TBC1D12: variants seen among roughly 807,000 people sequenced by gnomAD.
TBC1D12 encodes TBC1 domain family, member 12.
In TBC1D12, 56 loss-of-function variants were observed where a neutral mutation model predicts 86.7. That is an observed-to-expected ratio of 0.65 (90% confidence interval 0.52 to 0.81). The LOEUF (loss-of-function observed/expected upper bound fraction) is 0.81. Among genes scored for constraint, TBC1D12 ranks in the 30% least tolerant of loss-of-function variants. TBC1D12 has a pLI of 0.00. For synonymous variants in TBC1D12, 421 were observed against 411.7 expected, an observed-to-expected ratio of 1.02 and a Z score of -0.27; for missense variants, 1,023 against 1,038.8, an observed-to-expected ratio of 0.98 and a Z score of 0.21.
intron 1 of TBC1D12, among the ~76,000 whole-genome samples, chr10:94,422,959 G>A (rs2055095261): frequency 3.3e-5 from 5 of 152,148 alleles, no homozygotes. Flanking sequence ...ACTAGGCTGG[G>A]CACTGTGGCT....
chr10:94,403,717 C>G (rs2054809813), intron 1 of TBC1D12, 133 bp downstream of exon 1: 9 of 1,105,804 alleles, frequency 8.1e-6, no homozygotes, highest in Admixed American at 7.7e-5. Flanking sequence ...CAGCCCCACA[C>G]GCGTCAGGAC....
intron 2 of TBC1D12, among the ~76,000 whole-genome samples, chr10:94,458,802 C>T (rs1257475648): frequency 6.6e-6 from 1 of 152,098 alleles, no homozygotes; most frequent in Non-Finnish European, 1.5e-5. Context: ...TCGTACCTTC[C>T]ATCTGGAGTT....
intron 3 of TBC1D12, among the ~76,000 whole-genome samples, chr10:94,488,890 C>A (rs2056207786): frequency 1.3e-5 from 2 of 152,034 alleles, no homozygotes; most frequent in Non-Finnish European, 2.9e-5. Context: ...ACAAAGTCCT[C>A]TTTACCCTTC....
rs2056509673 is a variant in TBC1D12, at chr10:94,510,191, T to C, written c.1689+12T>C. 2 of 1,549,440 alleles carry C rather than the reference T, an allele frequency of 1.3e-6. No individual in the cohort carries two copies. The highest frequency in any genetic ancestry group is 2.8e-5 in the African/African-American group (2 of 71,542). ...ACATCTTTCAGAAGGTGAGGGTTTC[T>C]AACCAGCTTGTAATTACTTAAAAAA... is the stretch of plus-strand genomic sequence containing the variant. On this transcript the variant is annotated intron_variant, in intron 8 of 12. Transcript: ENST00000225235.
At chr10:94,480,099 C>A (rs1171409477) in intron 3 of TBC1D12, among the ~76,000 whole-genome samples, 1 of 152,168 alleles carries the variant, frequency 6.6e-6, no homozygotes, top group Non-Finnish European at 1.5e-5. Flanking sequence ...CATTTTGGGT[C>A]TCTTGCAATT....
chr10:94,454,252 G>A (rs958984998), intron 2 of TBC1D12, among the ~76,000 whole-genome samples: 3 of 152,068 alleles, frequency 2.0e-5, no homozygotes, highest in Middle Eastern at 3.2e-3. Context: ...ACAGAGTTTT[G>A]CTCTTGTTGC....
At chr10:94,518,665 G>A (rs1389940118) in intron 9 of TBC1D12, among the ~76,000 whole-genome samples, 1 of 152,118 alleles carries the variant, frequency 6.6e-6, no homozygotes, top group Non-Finnish European at 1.5e-5. Context: ...AAAATATTTA[G>A]AAGAATTGGA....
At chr10:94,426,426 T>G (rs1399027149) in intron 1 of TBC1D12, among the ~76,000 whole-genome samples, 1 of 152,202 alleles carries the variant, frequency 6.6e-6, no homozygotes, top group African/African-American at 2.4e-5. Flanking sequence ...CTGTGTCCAT[T>G]GATGTAATTG....
chr10:94,405,009 T>C (rs2134041462), intron 1 of TBC1D12, among the ~76,000 whole-genome samples: 1 of 150,674 alleles, frequency 6.6e-6, no homozygotes, highest in East Asian at 1.9e-4. Context: ...ATCGAGCCAT[T>C]GCACTGAAAC....
At chr10:94,493,565 G>A (rs1434329374) in intron 4 of TBC1D12, 118 bp downstream of exon 4, 6 of 840,450 alleles carry the variant, frequency 7.1e-6, no homozygotes, top group East Asian at 5.3e-5. Context: ...TTCTTTTTTC[G>A]TTTCTTTTTT....
intron 2 of TBC1D12, among the ~76,000 whole-genome samples, chr10:94,470,691 T>C (rs1191456690): frequency 1.2e-5 from 1 of 84,868 alleles, no homozygotes; most frequent in Admixed American, 1.0e-4. Context: ...TTTGTAATTC[T>C]TTTTTTTTTT....
Position 94,506,040 on chromosome 10 carries a change from A to AT in TBC1D12, c.1520-1227_1520-1226insT, listed in dbSNP as rs2056456091. 8.9e-5 allele frequency among the ~76,000 whole-genome samples: 8 copies of AT among 89,882 alleles called. No individual in the cohort carries two copies. In the South Asian group the frequency reaches 2.3e-3, roughly 26 times the overall value. 59.0% of individuals were successfully genotyped at this position (89,882 alleles called of 152,430 possible). A position where few individuals can be genotyped will look rare whatever the true frequency, so the allele number is the denominator to read the frequency against. Reference sequence around the variant, plus strand: ...CTCTACACTATTTTGTACTTTTTGAAATTTTTTTTTTTTTTAAACGGAGTC... The same window carrying AT: ...CTCTACACTATTTTGTACTTTTTGAATATTTTTTTTTTTTTTAAACGGAGTC... On this transcript the variant is annotated intron_variant, in intron 6 of 12. Transcript: ENST00000225235.
intron 9 of TBC1D12, among the ~76,000 whole-genome samples, chr10:94,521,228 AAAAAAAAAAC>A (rs1192467647): frequency 2.1e-5 from 3 of 145,000 alleles, no homozygotes; most frequent in African/African-American, 7.9e-5. Context: ...AACCAAAAAA[AAAAAAAAAAC>A]AAAAAAAAAA....
chr10:94,531,556 A>G (rs1842418517), intron 12 of TBC1D12, 96 bp downstream of exon 12: 1 of 1,284,868 alleles, frequency 7.8e-7, no homozygotes, highest in Non-Finnish European at 1.0e-6. Flanking sequence ...ACTTAAAAAT[A>G]TGTCTTTTAA....
At chr10:94,487,402 C>G (rs2056181212) in intron 3 of TBC1D12, among the ~76,000 whole-genome samples, 1 of 151,412 alleles carries the variant, frequency 6.6e-6, no homozygotes, top group African/African-American at 2.4e-5. Context: ...TCGTTCCTTC[C>G]AGTCTTTCTT....
In TBC1D12 at chr10:94,535,362, G is replaced by C. The variant is rs1005142184; in HGVS notation, c.*2266G>C. The stretch of plus-strand genomic sequence containing the variant: ...ATTTACAGTGTGTTTTTATGTTGCA[G>C]TTTAGTTTGAAACAACACTTAAGCA... On this transcript the variant is annotated 3_prime_UTR_variant, in exon 13 of 13. Coordinates refer to ENST00000225235, the MANE Select transcript of TBC1D12 (RefSeq NM_015188.2). The C allele has an allele frequency of 6.6e-6, 1 of 152,154 alleles. No homozygotes were observed. The highest frequency in any genetic ancestry group is 2.4e-5 in the African/African-American group (1 of 41,428). The allele number at this position is 152,154 out of a possible 1,614,324, so 9.4% of individuals were successfully genotyped here.
intron 4 of TBC1D12, among the ~76,000 whole-genome samples, chr10:94,494,122 C>A (rs558487400): frequency 6.6e-6 from 1 of 152,084 alleles, no homozygotes; most frequent in Non-Finnish European, 1.5e-5. Context: ...TGGTTAGGTG[C>A]ATAAAAGTAT....
chr10:94,428,292 T>G (rs1157231730), intron 1 of TBC1D12, among the ~76,000 whole-genome samples: 2 of 150,090 alleles, frequency 1.3e-5, no homozygotes, highest in Non-Finnish European at 3.0e-5. Context: ...CTTTTTTTTT[T>G]TTTTTTTTTT....
intron 6 of TBC1D12, among the ~76,000 whole-genome samples, chr10:94,501,096 G>GAATGAATAAATA (rs528540415): frequency 4.7e-5 from 7 of 148,850 alleles, no homozygotes; most frequent in Non-Finnish European, 8.9e-5. Flanking sequence ...ATGAATGAAT[G>GAATGAATAAATA]AATAAATAAA....
Sources: allele counts gnomAD v4.1 joint callset (sites outside exome capture counted in the v4.1 genomes callset), GRCh38; gene constraint gnomAD v4.1.1; transcripts MANE v1.5; gene names NCBI Gene and HGNC (gene_info 2026-07-23, HGNC 2026-07-21).